GRIK4: variants seen among roughly 807,000 people sequenced by gnomAD.
GRIK4 encodes glutamate receptor ionotropic, kainate 4.
GRIK4 carries 40 observed loss-of-function variants against 104.9 expected under a neutral mutation model. The observed-to-expected ratio is 0.38, with a 90% CI of 0.30 to 0.50. The LOEUF (loss-of-function observed/expected upper bound fraction) is 0.50, where lower values mean the gene tolerates loss of function less well. GRIK4 is among the 20% of genes least tolerant of loss of function. GRIK4 has a pLI of 0.93. For missense variants in GRIK4, 1,047 were observed against 1,308.1 expected, an observed-to-expected ratio of 0.80 and a Z score of 3.08; for synonymous variants, 485 against 524.9, an observed-to-expected ratio of 0.92 and a Z score of 1.04.
chr11:120,785,172 T>A (rs146305074), intron 3 of GRIK4, among the ~76,000 whole-genome samples: 1 of 152,192 alleles, frequency 6.6e-6, no homozygotes. Flanking sequence ...CCACTGTTCC[T>A]TTCCTCCAGC....
chr11:120,595,220 G>A (rs557614435), intron 1 of GRIK4, among the ~76,000 whole-genome samples: 7 of 152,298 alleles, frequency 4.6e-5, no homozygotes, highest in South Asian at 2.1e-4. Context: ...CTCCTGCCTC[G>A]GGAGATGTGC....
At chr11:120,608,785 C>T (rs1948994473) in intron 1 of GRIK4, among the ~76,000 whole-genome samples, 1 of 152,196 alleles carries the variant, frequency 6.6e-6, no homozygotes, top group African/African-American at 2.4e-5. Flanking sequence ...CCCCCAGCCC[C>T]ACCCTTCTGG....
chr11:120,637,090 A>T (rs1307605432), intron 1 of GRIK4, among the ~76,000 whole-genome samples: 2 of 152,034 alleles, frequency 1.3e-5, no homozygotes, highest in African/African-American at 4.8e-5. Flanking sequence ...AGTCGTGAAG[A>T]ATAGAAGAGA....
chr11:120,673,775 C>T (rs1950057747), intron 3 of GRIK4, among the ~76,000 whole-genome samples: 1 of 152,184 alleles, frequency 6.6e-6, no homozygotes, highest in African/African-American at 2.4e-5. Flanking sequence ...GCTGGGACTG[C>T]CCCTGGCCTC....
chr11:120,731,665 A>G (rs2135392371), intron 3 of GRIK4, among the ~76,000 whole-genome samples: 1 of 152,258 alleles, frequency 6.6e-6, no homozygotes, highest in South Asian at 2.1e-4. Context: ...TGTTTGGTAG[A>G]ATTCAGCAGT....
chr11:120,869,599 C>T lies in GRIK4; in HGVS notation c.907-4467C>T, dbSNP rs149069265. 754 of 152,522 alleles carry T rather than the reference C, an allele frequency of 4.9e-3. 5 individuals are homozygous for T. The highest frequency in any genetic ancestry group is 8.2e-3 in the Non-Finnish European group (562 of 68,126). 9.4% of individuals were successfully genotyped at this position (152,522 alleles called of 1,614,324 possible). ...AGCATCAGCCAAGAAAACCATGTCC[C>T]AGACGGAGTGGGAATAGTGGCAACC... On this transcript the variant is annotated intron_variant, in intron 9 of 20. Transcript: ENST00000527524.
chr11:120,597,486 C>T lies in GRIK4; in HGVS notation c.-158-56199C>T, dbSNP rs182487529. ...ACCTGTTCTCTGACCGAGCCCCGGG[C>T]GCCCCCAGCTGAGCCCCGTGGCAGG... On this transcript the variant is annotated intron_variant, in intron 1 of 20. Transcript: ENST00000527524. Among the ~76,000 whole-genome samples, 429 of 152,322 alleles carry T rather than the reference C, an allele frequency of 2.8e-3. 6 individuals carry two copies. Among genetic ancestry groups the T allele is most frequent in the African/African-American group, 9.7e-3 (403 of 41,564 alleles).
In GRIK4 at chr11:120,660,357, G is replaced by A. The variant is rs372689614; in HGVS notation, c.39G>A (p.Ala13=). The part of the protein sequence containing the change: ...RVSAPLVLLP[A]WLVMVACSPH... Reference sequence around the variant, plus strand: ...CGGCGCCTTTGGTGCTGCTTCCTGCGTGGCTCGTGATGGTCGCCTGCAGCC... The same window carrying A: ...CGGCGCCTTTGGTGCTGCTTCCTGCATGGCTCGTGATGGTCGCCTGCAGCC... Residue 13 remains alanine, a synonymous_variant, in exon 3 of 21, where the codon GCG becomes GCA. Transcript: ENST00000527524. 55 of 1,613,384 alleles carry A rather than the reference G, an allele frequency of 3.4e-5. No individual in the cohort carries two copies. In the African/African-American group the frequency reaches 5.3e-4, roughly 16 times the overall value.
At chr11:120,829,661 C>T (rs911775029) in intron 6 of GRIK4, among the ~76,000 whole-genome samples, 16 of 152,278 alleles carry the variant, frequency 1.1e-4, no homozygotes, top group East Asian at 3.9e-4. Context: ...ACATGGAGAC[C>T]GTACATCCCA....
rs191448007 is a variant in GRIK4 at position 120,951,398 on chromosome 11, G to A, written c.1591-1457G>A. On this transcript the variant is annotated intron_variant, in intron 14 of 20. Transcript: ENST00000527524. ...GCTTCCCCTGGATAATGAAAGCTCA[G>A]AAGGCTGGTTGAGTTTAGCTCGGTA... Among the ~76,000 whole-genome samples the A allele has an allele frequency of 2.6e-3, 390 of 152,334 alleles. 1 individual carries two copies. Among genetic ancestry groups the A allele is most frequent in the Non-Finnish European group, 4.2e-3 (287 of 68,024 alleles).
At chr11:120,559,347 G>A (rs918788810) in intron 1 of GRIK4, among the ~76,000 whole-genome samples, 2 of 152,196 alleles carry the variant, frequency 1.3e-5, no homozygotes, top group Non-Finnish European at 2.9e-5. Context: ...TTTGTTGGGT[G>A]CTTACCCATG....
intron 3 of GRIK4, among the ~76,000 whole-genome samples, chr11:120,664,106 A>C (rs531400788): frequency 8.1e-4 from 124 of 152,362 alleles, no homozygotes; most frequent in Non-Finnish European, 1.4e-3. Context: ...AGATGAATCC[A>C]TGGTTCTTGC....
chr11:120,867,503 C>T lies in GRIK4; in HGVS notation c.906+5383C>T, dbSNP rs887575784. Among the ~76,000 whole-genome samples the T allele has an allele frequency of 6.6e-5, 10 of 152,214 alleles. No homozygotes were observed. In the South Asian group the frequency reaches 1.7e-3, roughly 25 times the overall value. On this transcript the variant is annotated intron_variant, in intron 9 of 20. Coordinates refer to ENST00000527524, the MANE Select transcript of GRIK4 (RefSeq NM_014619.5). Reference sequence around the variant, plus strand: ...TCTTTTCTGTTTCTCTCTCTCCACACGATGTTCCCTGCTCTTTCTTCACTC... The same window carrying T: ...TCTTTTCTGTTTCTCTCTCTCCACATGATGTTCCCTGCTCTTTCTTCACTC...
chr11:120,604,681 A>AGC, intron 1 of GRIK4, among the ~76,000 whole-genome samples: 1 of 152,280 alleles, frequency 6.6e-6, no homozygotes, highest in Non-Finnish European at 1.5e-5. Flanking sequence ...CCTGTTAGCG[A>AGC]TAAGCCAGAG....
intron 1 of GRIK4, among the ~76,000 whole-genome samples, chr11:120,617,107 T>C (rs915046099): frequency 3.9e-5 from 6 of 152,190 alleles, no homozygotes; most frequent in African/African-American, 1.2e-4. Flanking sequence ...TAAGTAGTGA[T>C]GTGTGTTTCT....
chr11:120,962,475 AC>A lies in GRIK4; in HGVS notation c.2062del (p.Gln688AsnfsTer16). 6.2e-7 allele frequency: 1 copy of A among 1,613,018 alleles called. No homozygotes were observed. Among genetic ancestry groups the A allele is most frequent in the Non-Finnish European group, 8.5e-7 (1 of 1,179,192 alleles). On this transcript the variant is annotated frameshift_variant, in exon 18 of 21. Coordinates refer to ENST00000527524, the MANE Select transcript of GRIK4 (RefSeq NM_014619.5). LOFTEE classifies it high-confidence loss of function. Reference sequence around the variant, plus strand: ...TCCCAGAATTCCCGCTACCAGACCTACCAACGCATGTGGAATTACATGTATT... The same window carrying A: ...TCCCAGAATTCCCGCTACCAGACCTACAACGCATGTGGAATTACATGTATT... ...TFFQNSRYQTYQRMWNYMYSK... is the reference protein window; with the variant it reads ...TFFQNSRYQTXQRMWNYMYSK...
At chr11:120,842,583 T>G (rs1434255969) in intron 8 of GRIK4, among the ~76,000 whole-genome samples, 6 of 152,272 alleles carry the variant, frequency 3.9e-5, no homozygotes, top group African/African-American at 1.2e-4. Context: ...AAGCCCTGGC[T>G]TGTCTTTTTA....
At chr11:120,722,698 A>G (rs977043547) in intron 3 of GRIK4, among the ~76,000 whole-genome samples, 1 of 152,074 alleles carries the variant, frequency 6.6e-6, no homozygotes, top group Non-Finnish European at 1.5e-5. Flanking sequence ...GGCTCTTCTG[A>G]AAGGGACTGG....
intron 1 of GRIK4, among the ~76,000 whole-genome samples, chr11:120,602,733 C>T (rs757548151): frequency 2.0e-5 from 3 of 152,174 alleles, no homozygotes; most frequent in Non-Finnish European, 4.4e-5. Context: ...AACAGAGTCT[C>T]GCTCTGTCGT....
Sources: gnomAD v4.1 joint callset for allele counts (sites outside exome capture counted in the v4.1 genomes callset) on GRCh38, gnomAD v4.1.1 for gene constraint, MANE v1.5 for transcripts, NCBI Gene and HGNC (gene_info 2026-07-23, HGNC 2026-07-21) for gene names.